The following HEATR4 variants were observed in gnomAD, a reference collection of about 807,000 sequenced individuals.
HEATR4 encodes the protein HEAT repeat containing 4, also known as HEAT repeat-containing protein 4.
Under a neutral mutation model 108.8 loss-of-function variants are expected in HEATR4, and 95 were observed. That is an observed-to-expected ratio of 0.87 (90% CI 0.74 to 1.04). The LOEUF (loss-of-function observed/expected upper bound fraction) is 1.04, where lower values mean the gene tolerates loss of function less well. Among genes scored for constraint, HEATR4 ranks in the 50% least tolerant of loss-of-function variants. HEATR4 has a pLI of 0.00. For missense variants in HEATR4, 1,152 were observed against 1,253.8 expected (o/e 0.92, Z 1.23); for synonymous variants, 443 against 459.4 (o/e 0.96, Z 0.46).
chr14:73,519,279 G>A, intron 4 of HEATR4, 116 bp from the exon 5 acceptor site: 1 of 1,015,908 alleles, frequency 9.8e-7, no homozygotes, highest in Non-Finnish European at 1.4e-6. Flanking sequence ...TAAGCCCCTA[G>A]GATCCATGAC....
the HEATR4 span, among the ~76,000 whole-genome samples, chr14:73,591,237 A>G: frequency 3.3e-5 from 5 of 150,226 alleles, no homozygotes; most frequent in Non-Finnish European, 5.9e-5. Context: ...ACAGAGAGAG[A>G]CCCTGTCTCA....
In HEATR4 at chr14:73,478,729, T is replaced by C. The variant is rs751651416; in HGVS notation, c.2958A>G (p.Lys986=). 3.7e-6 allele frequency: 6 copies of C among 1,613,876 alleles called. No homozygotes were observed. The highest frequency in any genetic ancestry group is 5.1e-6 in the Non-Finnish European group (6 of 1,179,950). The part of the protein sequence containing the change: ...LVKDLRTSPE[K]RIAVGPFRSD... ...ATCTAAATGGTCCCACAGCAATCCT[T>C]TTCTCGGGGGAGGTGCGTAGATCTT... Residue 986 remains lysine (K), a synonymous_variant, in exon 18 of 18, where the codon AAA becomes AAG. Transcript: ENST00000553558.
the HEATR4 span, among the ~76,000 whole-genome samples, chr14:73,617,392 A>G: frequency 6.6e-6 from 1 of 152,046 alleles, no homozygotes; most frequent in Non-Finnish European, 1.5e-5. Flanking sequence ...AGGCCGGGGG[A>G]TTGCTTGACC....
At chr14:73,491,370 C>T in intron 17 of HEATR4, 1 of 1,364,572 alleles carries the variant, frequency 7.3e-7, no homozygotes, top group East Asian at 3.1e-5. Context: ...CTGCAGACCC[C>T]GTCGGCGCGC....
At chr14:73,506,651 G>T in intron 9 of HEATR4, 80 bp from the exon 10 acceptor site, 1 of 1,074,908 alleles carries the variant, frequency 9.3e-7, no homozygotes, top group Non-Finnish European at 1.4e-6. Context: ...TTCTGAAATG[G>T]CATCCTGCAT....
Position 73,514,076 on chromosome 14 carries a change from C to T in HEATR4, c.1369G>A (p.Val457Ile). 6.2e-7 allele frequency: 1 copy of T among 1,614,196 alleles called. No individual in the cohort carries two copies. Among genetic ancestry groups the T allele is most frequent in the Non-Finnish European group, 8.5e-7 (1 of 1,180,038 alleles). The change falls in exon 6 of 18, where the codon GTC (valine) becomes ATC (isoleucine). Residue 457 changes from valine to isoleucine, a missense_variant. Val to Ile is a conservative substitution (Grantham distance 29). Transcript: ENST00000553558. ...LQEDVTWELVVLRRMLKEWKT... is the reference protein window; with the variant it reads ...LQEDVTWELVILRRMLKEWKT... ...CATTCCTTCAGCATCCTCCGCAGGA[C>T]CACCAGTTCCCAGGTCACATCCTCC...
upstream of HEATR4, among the ~76,000 whole-genome samples, chr14:73,559,586 A>C (rs745533195): frequency 7.9e-5 from 12 of 151,784 alleles, no homozygotes; most frequent in Non-Finnish European, 1.0e-4. Context: ...AAAATTTAAA[A>C]AGAAAATCAC....
the HEATR4 span, among the ~76,000 whole-genome samples, chr14:73,632,398 T>C: frequency 6.6e-6 from 1 of 152,210 alleles, no homozygotes; most frequent in Non-Finnish European, 1.5e-5. Context: ...CCAAGGGTAG[T>C]TACTATTACC....
At chr14:73,562,013 A>G (rs1478781886), upstream of HEATR4, among the ~76,000 whole-genome samples, 1 of 152,048 alleles carries the variant, frequency 6.6e-6, no homozygotes, top group Non-Finnish European at 1.5e-5. Flanking sequence ...TGCTGTAAAT[A>G]TATGGATGAG....
At chr14:73,508,751 C>CAAAAA (rs770608293) in intron 8 of HEATR4, among the ~76,000 whole-genome samples, 617 of 57,856 alleles carry the variant, frequency 0.011, 13 homozygotes, top group African/African-American at 0.034. Flanking sequence ...AACTCTGTCT[C>CAAAAA]AAAAAAAAAA....
the HEATR4 span, chr14:73,595,714 T>C: frequency 2.0e-6 from 3 of 1,484,016 alleles, no homozygotes; most frequent in African/African-American, 2.8e-5. Flanking sequence ...TCAGTAACCC[T>C]ATGTGAATCA....
At chr14:73,575,749 T>C in the HEATR4 span, 1 of 253,698 alleles carries the variant, frequency 3.9e-6, no homozygotes, top group South Asian at 4.6e-5. Flanking sequence ...AAGTCTCCTC[T>C]TCCTATCTCA....
chr14:73,613,337 A>T, the HEATR4 span, among the ~76,000 whole-genome samples: 2 of 152,126 alleles, frequency 1.3e-5, no homozygotes, highest in African/African-American at 4.8e-5. Flanking sequence ...CTATGTGCTG[A>T]ATAGTGCATT....
At chr14:73,480,059 G>A (rs1400004294) in intron 17 of HEATR4, among the ~76,000 whole-genome samples, 4 of 152,166 alleles carry the variant, frequency 2.6e-5, no homozygotes, top group Admixed American at 2.6e-4. Flanking sequence ...TCACTAATAA[G>A]TTATAATTTC....
At chr14:73,491,117 T>C (rs942398244) in intron 17 of HEATR4, 4 of 1,606,742 alleles carry the variant, frequency 2.5e-6, no homozygotes, top group African/African-American at 1.3e-5. Context: ...GGCCCTGCCC[T>C]TGAGGTCCAG....
In HEATR4 at chr14:73,519,040, T is replaced by G. The variant is rs1252464468; in HGVS notation, c.1193A>C (p.Gln398Pro). Residue 398 changes from glutamine (Q) to proline (P), a missense_variant, in exon 5 of 18, where the codon CAG becomes CCG. Gln to Pro is a moderately conservative substitution (Grantham distance 76). Transcript: ENST00000553558. ...FPETPEKWSAQAIPEASYRPV... is the reference protein window; with the variant it reads ...FPETPEKWSAPAIPEASYRPV... The stretch of plus-strand genomic sequence containing the variant: ...CTGCTTACATGCTTCAGGAATTGCC[T>G]GGGCACTCCACTTTTCTGGAGTTTC... The G allele has an allele frequency of 1.9e-6, 3 of 1,613,548 alleles. No individual in the cohort carries two copies. The highest frequency in any genetic ancestry group is 2.5e-6 in the Non-Finnish European group (3 of 1,179,784).
At chr14:73,523,406 C>T (rs1013868399) in intron 2 of HEATR4, among the ~76,000 whole-genome samples, 182 bp from the exon 3 acceptor site, 1 of 152,160 alleles carries the variant, frequency 6.6e-6, no homozygotes, top group African/African-American at 2.4e-5. Flanking sequence ...GTATCAGACC[C>T]GTGTTTTTGG....
the HEATR4 span, among the ~76,000 whole-genome samples, chr14:73,590,362 T>A: frequency 6.6e-6 from 1 of 152,230 alleles, no homozygotes; most frequent in Admixed American, 6.5e-5. Flanking sequence ...ATCCCTTAGC[T>A]AGACATAAAG....
the HEATR4 span, among the ~76,000 whole-genome samples, chr14:73,629,658 T>C: frequency 2.6e-5 from 4 of 151,910 alleles, no homozygotes; most frequent in Admixed American, 6.6e-5. Flanking sequence ...ATTTTTTTTT[T>C]TTTTGAGATG....
Sources: gnomAD v4.1 joint callset for allele counts (sites outside exome capture counted in the v4.1 genomes callset) on GRCh38, gnomAD v4.1.1 for gene constraint, MANE v1.5 for transcripts, NCBI Gene and HGNC (gene_info 2026-07-23, HGNC 2026-07-21) for gene names.